The following CDH12 variants were observed in gnomAD, a reference collection of about 807,000 sequenced individuals.
The protein encoded by CDH12 is cadherin 12.
In CDH12, 41 loss-of-function variants were observed where a neutral mutation model predicts 74.1. The ratio of observed to expected loss-of-function variants is 0.55; its 90% CI spans 0.43 to 0.72. The LOEUF is 0.72. Ranked by LOEUF, CDH12 falls within the 30% of genes least tolerant of loss-of-function variation. The pLI, the probability that CDH12 is intolerant of heterozygous loss-of-function variation, is 0.00. For missense variants in CDH12, 945 were observed against 977.2 expected, an observed-to-expected ratio of 0.97 and a Z score of 0.44; for synonymous variants, 399 against 355.0, an observed-to-expected ratio of 1.12 and a Z score of -1.39.
At chr5:22,486,446 A>ATT (rs5866568) in intron 2 of CDH12, among the ~76,000 whole-genome samples, 106 of 131,398 alleles carry the variant, frequency 8.1e-4, no homozygotes, top group Middle Eastern at 8.0e-3. Flanking sequence ...GTAACTAGTA[A>ATT]TTTTTTTTTT....
intron 3 of CDH12, among the ~76,000 whole-genome samples, chr5:22,361,684 A>G (rs1740806147): frequency 6.6e-6 from 1 of 152,194 alleles, no homozygotes; most frequent in South Asian, 2.1e-4. Flanking sequence ...AAACTATACT[A>G]CAAGGCTACA....
intron 6 of CDH12, among the ~76,000 whole-genome samples, chr5:21,915,499 T>G (rs1048772123): frequency 6.6e-6 from 1 of 152,182 alleles, no homozygotes. Context: ...ATCACATTAG[T>G]ACATTCATTT....
intron 4 of CDH12, among the ~76,000 whole-genome samples, chr5:22,102,188 T>C (rs1368321500): frequency 6.6e-6 from 1 of 152,206 alleles, no homozygotes; most frequent in Non-Finnish European, 1.5e-5. Context: ...ATATATGAAG[T>C]GTTTTAAAAT....
chr5:22,331,437 T>C (rs1406294391), intron 3 of CDH12, among the ~76,000 whole-genome samples: 1 of 152,150 alleles, frequency 6.6e-6, no homozygotes, highest in African/African-American at 2.4e-5. Flanking sequence ...TGGTAATCCA[T>C]GGAATGCTTC....
intron 3 of CDH12, among the ~76,000 whole-genome samples, chr5:22,219,515 G>C (rs902375056): frequency 2.0e-5 from 3 of 151,640 alleles, no homozygotes; most frequent in African/African-American, 7.3e-5. Context: ...ATAGGTGACT[G>C]CTATCTGCCT....
chr5:21,865,222 TGA>T (rs1419797541), intron 6 of CDH12, among the ~76,000 whole-genome samples: 6 of 151,982 alleles, frequency 3.9e-5, no homozygotes, highest in African/African-American at 7.3e-5. Flanking sequence ...TGAAGTAAAA[TGA>T]GAGAGGAGAG....
intron 3 of CDH12, among the ~76,000 whole-genome samples, chr5:22,233,170 T>A (rs1561242051): frequency 6.6e-6 from 1 of 151,868 alleles, no homozygotes; most frequent in African/African-American, 2.4e-5. Context: ...CACTTGTCAA[T>A]TCATAAACGT....
chr5:22,471,331 A>G (rs999583108), intron 2 of CDH12, among the ~76,000 whole-genome samples: 3 of 152,040 alleles, frequency 2.0e-5, no homozygotes, highest in Non-Finnish European at 4.4e-5. Flanking sequence ...TCTCTTCTCT[A>G]ATTTCAGTAC....
In CDH12 at chr5:21,934,236, A is replaced by T. The variant is rs143333356; in HGVS notation, c.526+40855T>A. On this transcript the variant is annotated intron_variant, in intron 6 of 14. Coordinates refer to ENST00000382254, the MANE Select transcript of CDH12 (RefSeq NM_004061.5). The stretch of plus-strand genomic sequence containing the variant: ...GTATGGCCTGGTGAGACGTGATTGG[A>T]TCATAGGGGCAGAGTTTTCATGAAT... Among the ~76,000 whole-genome samples the T allele has an allele frequency of 3.0e-4, 45 of 152,230 alleles. 2 individuals carry two copies. The East Asian group carries it at 8.5e-3, about 29-fold the overall frequency.
chr5:22,254,738 T>G (rs7713628), intron 3 of CDH12, among the ~76,000 whole-genome samples: 65,580 of 151,486 alleles, frequency 0.43, 14,619 homozygotes, highest in South Asian at 0.56. Context: ...TTTTTAATTT[T>G]AATTTTTTAA....
chr5:21,966,944 T>C (rs1243566802), intron 6 of CDH12, among the ~76,000 whole-genome samples: 2 of 152,140 alleles, frequency 1.3e-5, no homozygotes, highest in Non-Finnish European at 2.9e-5. Context: ...CATGTTTGGG[T>C]TAAAGGCCTC....
At chr5:22,770,483 A>G (rs1048517181) in intron 1 of CDH12, among the ~76,000 whole-genome samples, 3 of 152,162 alleles carry the variant, frequency 2.0e-5, no homozygotes, top group African/African-American at 7.2e-5. Context: ...AATAAAGTAG[A>G]CCAATATATC....
chr5:22,527,064 A>C (rs1050198121), intron 1 of CDH12, among the ~76,000 whole-genome samples: 3 of 152,138 alleles, frequency 2.0e-5, no homozygotes, highest in African/African-American at 4.8e-5. Context: ...TTTGAGTCTT[A>C]TAGAATTAGT....
intron 1 of CDH12, among the ~76,000 whole-genome samples, chr5:22,624,956 T>C (rs184996853): frequency 6.6e-6 from 1 of 152,284 alleles, no homozygotes; most frequent in Non-Finnish European, 1.5e-5. Context: ...GTGGCACATA[T>C]ACACCATGGA....
intron 4 of CDH12, among the ~76,000 whole-genome samples, chr5:22,154,579 G>A (rs1374922744): frequency 6.7e-6 from 1 of 148,160 alleles, no homozygotes; most frequent in Non-Finnish European, 1.5e-5. Flanking sequence ...ATGTATATAT[G>A]TATATGTGTA....
chr5:21,906,056 C>G (rs997517205), intron 6 of CDH12, among the ~76,000 whole-genome samples: 1 of 152,018 alleles, frequency 6.6e-6, no homozygotes. Context: ...TAATATGTTA[C>G]TATAAGTACA....
chr5:21,856,057 A>T (rs1750739810), intron 6 of CDH12, among the ~76,000 whole-genome samples: 1 of 151,668 alleles, frequency 6.6e-6, no homozygotes, highest in Middle Eastern at 3.2e-3. Flanking sequence ...TTTAGAGGGA[A>T]CTTTTAGAGA....
At chr5:22,239,584 G>A (rs970319961) in intron 3 of CDH12, among the ~76,000 whole-genome samples, 1 of 152,116 alleles carries the variant, frequency 6.6e-6, no homozygotes, top group Admixed American at 6.5e-5. Context: ...ACTAAATAGA[G>A]GATAGGTGGA....
intron 2 of CDH12, among the ~76,000 whole-genome samples, chr5:22,424,963 T>C (rs1743832033): frequency 6.6e-6 from 1 of 151,276 alleles, no homozygotes; most frequent in Admixed American, 6.6e-5. Flanking sequence ...AAAAATATAG[T>C]TATATCAAGA....
Sources: allele counts gnomAD v4.1 joint callset (sites outside exome capture counted in the v4.1 genomes callset), GRCh38; gene constraint gnomAD v4.1.1; transcripts MANE v1.5; gene names NCBI Gene and HGNC (gene_info 2026-07-23, HGNC 2026-07-21).